CNTN5: variants seen among roughly 807,000 people sequenced by gnomAD.
CNTN5 encodes the protein contactin-5.
Under a neutral mutation model 129.1 loss-of-function variants are expected in CNTN5, and 77 were observed. The observed-to-expected ratio is 0.60, with a 90% CI of 0.50 to 0.72. CNTN5 has a LOEUF of 0.72. Among genes scored for constraint, CNTN5 ranks in the 30% least tolerant of loss-of-function variants. CNTN5 has a pLI of 0.00. For missense variants in CNTN5, 1,478 were observed against 1,328.8 expected (o/e 1.11, Z -1.75); for synonymous variants, 509 against 465.6 (o/e 1.09, Z -1.20).
intron 1 of CNTN5, among the ~76,000 whole-genome samples, chr11:99,169,624 G>A (rs1591306589): frequency 1.3e-5 from 2 of 152,036 alleles, no homozygotes; most frequent in South Asian, 2.1e-4. Flanking sequence ...CTTTTGCATC[G>A]GCTCCTTAAT....
intron 1 of CNTN5, among the ~76,000 whole-genome samples, chr11:99,287,699 A>G (rs533687269): frequency 6.6e-6 from 1 of 152,148 alleles, no homozygotes; most frequent in African/African-American, 2.4e-5. Context: ...TCTGTTATGC[A>G]TACGATTAGG....
chr11:99,391,078 C>T (rs1337331543), intron 2 of CNTN5, among the ~76,000 whole-genome samples: 1 of 151,940 alleles, frequency 6.6e-6, no homozygotes, highest in East Asian at 1.9e-4. Flanking sequence ...TGTATTATTA[C>T]TCCTAGATGT....
intron 8 of CNTN5, among the ~76,000 whole-genome samples, chr11:99,981,709 T>C (rs1938359749): frequency 6.6e-6 from 1 of 152,210 alleles, no homozygotes; most frequent in African/African-American, 2.4e-5. Flanking sequence ...TGTGATGTCT[T>C]CCTGGTCCTG....
At chr11:99,926,534 A>G (rs1173598168) in intron 7 of CNTN5, among the ~76,000 whole-genome samples, 2 of 152,160 alleles carry the variant, frequency 1.3e-5, no homozygotes, top group Non-Finnish European at 2.9e-5. Flanking sequence ...ACATTATACA[A>G]TGTAAATCAT....
At chr11:100,109,278 T>C (rs898712922) in intron 13 of CNTN5, among the ~76,000 whole-genome samples, 3 of 152,052 alleles carry the variant, frequency 2.0e-5, no homozygotes, top group African/African-American at 7.2e-5. Context: ...ATACAAAAAT[T>C]AGCCAGGCGT....
chr11:99,102,744 A>C (rs1233240422), intron 1 of CNTN5, among the ~76,000 whole-genome samples: 1 of 152,174 alleles, frequency 6.6e-6, no homozygotes, highest in East Asian at 1.9e-4. Flanking sequence ...GGAAGTTACA[A>C]ATTTTATCAC....
At chr11:100,277,743 A>C in intron 18 of CNTN5, among the ~76,000 whole-genome samples, 1 of 152,024 alleles carries the variant, frequency 6.6e-6, no homozygotes, top group East Asian at 1.9e-4. Context: ...GGTAGTTTGC[A>C]AATATTTTCT....
At position 99,644,277 on chromosome 11, in the gene CNTN5, A is replaced by C. The variant is rs1403766472; in HGVS notation, c.55+88008A>C. The stretch of plus-strand genomic sequence containing the variant: ...GTTTTGCTTTGAGTTCCAGTTGAGC[A>C]CTTTGAACACATATGTGAAGAAGGA... On this transcript the variant is annotated intron_variant, in intron 3 of 24. Coordinates refer to ENST00000524871, the MANE Select transcript of CNTN5 (RefSeq NM_014361.4). Among the ~76,000 whole-genome samples the C allele has an allele frequency of 3.9e-5, 6 of 152,172 alleles. No homozygotes were observed. In the East Asian group the frequency reaches 1.2e-3, roughly 29 times the overall value.
intron 3 of CNTN5, among the ~76,000 whole-genome samples, chr11:99,768,251 C>A (rs1944823954): frequency 6.6e-6 from 1 of 151,962 alleles, no homozygotes; most frequent in African/African-American, 2.4e-5. Flanking sequence ...TATATACATC[C>A]ACAGATTTTA....
intron 3 of CNTN5, among the ~76,000 whole-genome samples, chr11:99,620,736 C>A (rs2135761333): frequency 6.6e-6 from 1 of 151,726 alleles, no homozygotes; most frequent in Non-Finnish European, 1.5e-5. Context: ...CAGCAGCACA[C>A]AATTTTATAG....
chr11:99,967,241 T>C (rs1364154026), intron 8 of CNTN5, among the ~76,000 whole-genome samples: 1 of 152,176 alleles, frequency 6.6e-6, no homozygotes, highest in Non-Finnish European at 1.5e-5. Context: ...GTTGACCATA[T>C]TACCAAAGCA....
At position 100,356,133 on chromosome 11, in the gene CNTN5, T is replaced by C. The variant is rs1410703771; in HGVS notation, c.3216T>C (p.Ser1072=). The change falls in exon 25 of 25, where the codon AGT becomes AGC. Residue 1072 remains serine (S), a synonymous_variant. Coordinates refer to ENST00000524871, the MANE Select transcript of CNTN5 (RefSeq NM_014361.4). ...VPSYSGGKIT[S]AQSTLHSLST... is the part of the protein sequence containing the mutation. ...TTTTCACAGGTGGAAAAATCACAAGTGCACAGTCGACCCTTCACTCTCTCT... is the reference window on the plus strand; with the variant it reads ...TTTTCACAGGTGGAAAAATCACAAGCGCACAGTCGACCCTTCACTCTCTCT... 8.7e-6 allele frequency: 14 copies of C among 1,609,156 alleles called. No individual in the cohort carries two copies. The highest frequency in any genetic ancestry group is 1.1e-5 in the Non-Finnish European group (13 of 1,177,294).
At chr11:100,040,561 C>A (rs1292902412) in intron 9 of CNTN5, among the ~76,000 whole-genome samples, 1 of 152,176 alleles carries the variant, frequency 6.6e-6, no homozygotes, top group Non-Finnish European at 1.5e-5. Context: ...GTGCCCTGCC[C>A]CCAGAGGTGG....
intron 2 of CNTN5, among the ~76,000 whole-genome samples, chr11:99,458,802 G>C (rs1397802990): frequency 7.9e-5 from 12 of 151,978 alleles, no homozygotes; most frequent in Non-Finnish European, 1.6e-4. Context: ...AGCAAATAAA[G>C]TTTGAATTAG....
intron 1 of CNTN5, among the ~76,000 whole-genome samples, chr11:99,136,303 C>G (rs960931936): frequency 6.6e-6 from 1 of 152,136 alleles, no homozygotes; most frequent in African/African-American, 2.4e-5. Flanking sequence ...TTCTATCTAG[C>G]ATAGATCAAT....
rs114704086 is a variant in CNTN5 at position 99,439,781 on chromosome 11, T to C, written c.-71+114297T>C. ...GTATCTAAATCTAGATATATATTTA[T>C]AAGTATTTTTAGATAAGATACATGC... On this transcript the variant is annotated intron_variant, in intron 2 of 24. Coordinates refer to ENST00000524871, the MANE Select transcript of CNTN5 (RefSeq NM_014361.4). 7.0e-3 allele frequency among the ~76,000 whole-genome samples: 1,067 copies of C among 151,574 alleles called. 21 individuals are homozygous for C. Among genetic ancestry groups the C allele is most frequent in the African/African-American group, 0.024 (997 of 41,304 alleles).
At chr11:100,015,795 A>T (rs1189921268) in intron 9 of CNTN5, among the ~76,000 whole-genome samples, 2 of 152,112 alleles carry the variant, frequency 1.3e-5, no homozygotes, top group Non-Finnish European at 2.9e-5. Flanking sequence ...GGCTTTTTTT[A>T]AAATTAATTA....
In CNTN5 at chr11:99,120,172, G is replaced by A. The variant is rs180848813; in HGVS notation, c.-210+98902G>A. 14 of 152,102 alleles carry A rather than the reference G, an allele frequency of 9.2e-5. No individual in the cohort carries two copies. The East Asian group carries it at 2.5e-3, about 27-fold the overall frequency. The allele number at this position is 152,102 out of a possible 1,614,324, so 9.4% of individuals were successfully genotyped here. A position where few individuals can be genotyped will look rare whatever the true frequency, so the allele number is the denominator to read the frequency against. ...TTTGCTTTTGTTGCAATTGCTTTTG[G>A]TGTGTTTCTCATGAAATCTGGGTGT... On this transcript the variant is annotated intron_variant, in intron 1 of 24. Coordinates refer to ENST00000524871, the MANE Select transcript of CNTN5 (RefSeq NM_014361.4).
At chr11:99,616,799 G>T (rs1373701395) in intron 3 of CNTN5, among the ~76,000 whole-genome samples, 3 of 152,126 alleles carry the variant, frequency 2.0e-5, no homozygotes, top group Middle Eastern at 3.2e-3. Flanking sequence ...ATTAAGGAAA[G>T]CATAGGTCCT....
Sources: gnomAD v4.1 joint callset for allele counts (sites outside exome capture counted in the v4.1 genomes callset) on GRCh38, gnomAD v4.1.1 for gene constraint, MANE v1.5 for transcripts, NCBI Gene and HGNC (gene_info 2026-07-23, HGNC 2026-07-21) for gene names.